The following ERI3 variants were observed in gnomAD, a reference collection of about 807,000 sequenced individuals.
ERI3 encodes the protein ERI1 exoribonuclease family member 3, also known as ERI1 exoribonuclease 3.
A neutral mutation model predicts 44.4 loss-of-function variants in ERI3; 18 were observed. The observed-to-expected ratio is 0.41, with a 90% CI of 0.28 to 0.60. ERI3 has a LOEUF of 0.60. Ranked by LOEUF, ERI3 falls within the 20% of genes least tolerant of loss-of-function variation. The pLI is 0.36. For synonymous variants in ERI3, 183 were observed against 164.8 expected, an observed-to-expected ratio of 1.11 and a Z score of -0.84; for missense variants, 294 against 435.5, an observed-to-expected ratio of 0.68 and a Z score of 2.89.
In ERI3 at chr1:44,252,562, C is replaced by T. The variant is rs1020464294; in HGVS notation, c.832-4524G>A. Among the ~76,000 whole-genome samples the T allele has an allele frequency of 5.9e-5, 9 of 152,216 alleles. No individual in the cohort carries two copies. The highest frequency in any genetic ancestry group is 1.7e-4 in the African/African-American group (7 of 41,454). ...CTGTGAAATTACATTGCTGGGCCCG[C>T]GAAATGGAATCGTGTATAATCAGCC... On this transcript the variant is annotated intron_variant, in intron 7 of 8. Coordinates refer to ENST00000372257, the MANE Select transcript of ERI3 (RefSeq NM_024066.3). The surrounding 1 kb of genome is among the most constrained non-coding windows in gnomAD (Gnocchi z 4.7).
At chr1:44,334,553 CATCTAAATTACATTTAAGTG>C (rs754424205) in intron 3 of ERI3, among the ~76,000 whole-genome samples, 2 of 152,134 alleles carry the variant, frequency 1.3e-5, no homozygotes, top group Non-Finnish European at 2.9e-5. Context: ...CATTTTAAAC[CATCTAAATTACATTTAAGTG>C]AAAAAAGTGT....
chr1:44,260,445 G>C (rs746293857), intron 7 of ERI3, among the ~76,000 whole-genome samples: 1 of 152,204 alleles, frequency 6.6e-6, no homozygotes, highest in African/African-American at 2.4e-5. Flanking sequence ...GGAAGGGGCT[G>C]GAGACCAAGT....
chr1:44,335,157 T>C (rs180965816), intron 3 of ERI3, among the ~76,000 whole-genome samples: 3 of 151,386 alleles, frequency 2.0e-5, no homozygotes, highest in East Asian at 2.0e-4. Context: ...CTGGGCAACA[T>C]AGTGAGACCC....
chr1:44,320,276 A>G (rs1289864211), intron 3 of ERI3, among the ~76,000 whole-genome samples: 1 of 152,222 alleles, frequency 6.6e-6, no homozygotes, highest in Non-Finnish European at 1.5e-5. Context: ...GAAGGAGAAA[A>G]GAGTAACAGT....
chr1:44,354,969 G>C lies in ERI3; in HGVS notation c.58C>G (p.Leu20Val). ...GGAGGGGCGGGGGGCCAGGAGACCA[G>C]CCCTCCTTCCCAGGGCCGCCCCCGC... ...GGRGRPWEGG[L>V]VSWPPAPPLT... The change falls in exon 1 of 9, where the codon CTG becomes GTG. Residue 20 changes from leucine to valine, a missense_variant. Physicochemically the swap from Leu to Val is conservative, Grantham distance 32 (BLOSUM62 1). Coordinates refer to ENST00000372257, the MANE Select transcript of ERI3 (RefSeq NM_024066.3). 1 of 1,359,018 alleles carries C rather than the reference G, an allele frequency of 7.4e-7. No homozygotes were observed. Among genetic ancestry groups the C allele is most frequent in the Non-Finnish European group, 9.5e-7 (1 of 1,049,212 alleles). The allele number at this position is 1,359,018 out of a possible 1,614,324, so 84.2% of individuals were successfully genotyped here. A position where few individuals can be genotyped will look rare whatever the true frequency, so the allele number is the denominator to read the frequency against.
Position 44,355,172 on chromosome 1 carries a change from G to C in ERI3, c.-146C>G, listed in dbSNP as rs899832685. ...CTGCGGCGCCGGCCAGGCAGAGGCA[G>C]GGCCAGCTCCGCCCGCTCCCCACCG... is the stretch of plus-strand genomic sequence containing the variant. On this transcript the variant is annotated 5_prime_UTR_variant, in exon 1 of 9. Transcript: ENST00000372257. 8.3e-7 allele frequency: 1 copy of C among 1,209,296 alleles called. No homozygotes were observed. Among genetic ancestry groups the C allele is most frequent in the African/African-American group, 1.6e-5 (1 of 63,452 alleles). The allele number at this position is 1,209,296 out of a possible 1,614,324, so 74.9% of individuals were successfully genotyped here.
At chr1:44,297,265 G>A (rs1572213711) in intron 6 of ERI3, among the ~76,000 whole-genome samples, 1 of 151,906 alleles carries the variant, frequency 6.6e-6, no homozygotes, top group Non-Finnish European at 1.5e-5. Flanking sequence ...ACTCATAGTT[G>A]CCCTTCCCAA....
chr1:44,243,720 G>A (rs1197083664), intron 8 of ERI3: 2 of 152,234 alleles, frequency 1.3e-5, no homozygotes, highest in African/African-American at 4.8e-5. Flanking sequence ...GAGTGGTGAT[G>A]CTGCCTTTGC....
intron 3 of ERI3, among the ~76,000 whole-genome samples, chr1:44,330,742 A>C (rs1391554945): frequency 6.6e-6 from 1 of 152,170 alleles, no homozygotes; most frequent in Non-Finnish European, 1.5e-5. Flanking sequence ...CTCATCACAT[A>C]AATGTAAGAA....
At chr1:44,338,420 A>C (rs1363388884) in intron 3 of ERI3, among the ~76,000 whole-genome samples, 1 of 152,194 alleles carries the variant, frequency 6.6e-6, no homozygotes, top group African/African-American at 2.4e-5. Context: ...ATGACTGGCA[A>C]GTTGGGCACT....
intron 6 of ERI3, among the ~76,000 whole-genome samples, chr1:44,304,773 T>C (rs79014087): frequency 6.6e-6 from 1 of 152,168 alleles, no homozygotes; most frequent in South Asian, 2.1e-4. Context: ...GGCAAGTATC[T>C]TTCCATCTCC....
intron 2 of ERI3, among the ~76,000 whole-genome samples, chr1:44,342,945 A>G (rs1285467487): frequency 7.7e-6 from 1 of 130,514 alleles, no homozygotes; most frequent in Admixed American, 8.9e-5. Flanking sequence ...CTAGGCTCAA[A>G]TGTTCTTCCC....
chr1:44,323,738 G>C (rs1347896042), intron 3 of ERI3, among the ~76,000 whole-genome samples: 1 of 152,224 alleles, frequency 6.6e-6, no homozygotes, highest in Non-Finnish European at 1.5e-5. Context: ...GGGAATCATA[G>C]TCATCCCTAT....
Position 44,259,681 on chromosome 1 carries a change from A to AACAC in ERI3, c.832-11647_832-11644dup, listed in dbSNP as rs1430303370. On this transcript the variant is annotated intron_variant, in intron 7 of 8. Coordinates refer to ENST00000372257, the MANE Select transcript of ERI3 (RefSeq NM_024066.3). ...ACGTGGCAAAATCCTATCTCTACAA[A>AACAC]ACACACAGACACACACACACACACA... 2.3e-3 allele frequency among the ~76,000 whole-genome samples: 127 copies of AACAC among 54,052 alleles called. 1 individual carries two copies. In the East Asian group the frequency reaches 0.075, roughly 32 times the overall value. 35.5% of individuals were successfully genotyped at this position (54,052 alleles called of 152,430 possible).
intron 5 of ERI3, among the ~76,000 whole-genome samples, chr1:44,308,612 G>T (rs1014786934): frequency 1.3e-5 from 2 of 152,088 alleles, no homozygotes; most frequent in Admixed American, 6.5e-5. Flanking sequence ...CCTGCAGCCC[G>T]AATGTGTAGC....
At chr1:44,322,383 CAAAAA>C (rs973509299) in intron 3 of ERI3, among the ~76,000 whole-genome samples, 1 of 112,754 alleles carries the variant, frequency 8.9e-6, no homozygotes. Flanking sequence ...CGGATCCACG[CAAAAA>C]AAAAAAAAAG....
At chr1:44,259,916 T>TAGACAGAC (rs1236516662) in intron 7 of ERI3, among the ~76,000 whole-genome samples, 1,445 of 141,216 alleles carry the variant, frequency 0.01, 10 homozygotes, top group African/African-American at 0.018. Flanking sequence ...GATAGATAGA[T>TAGACAGAC]AGATAGACAG....
At chr1:44,260,866 G>A (rs1393026695) in intron 7 of ERI3, among the ~76,000 whole-genome samples, 4 of 151,744 alleles carry the variant, frequency 2.6e-5, no homozygotes, top group African/African-American at 9.7e-5. Context: ...CCTTCAGGAA[G>A]CCCTTCATGA....
At chr1:44,353,581 T>G in intron 1 of ERI3, 1 of 985,434 alleles carries the variant, frequency 1.0e-6, no homozygotes, top group Non-Finnish European at 1.2e-6. Flanking sequence ...CATTTAAGAC[T>G]TTCTTCTACT....
Sources: allele counts gnomAD v4.1 joint callset (sites outside exome capture counted in the v4.1 genomes callset), GRCh38; gene constraint gnomAD v4.1.1; non-coding constraint Gnocchi (gnomAD v3.1); transcripts MANE v1.5; gene names NCBI Gene and HGNC (gene_info 2026-07-23, HGNC 2026-07-21).